UQCRC2: variants seen among roughly 807,000 people sequenced by gnomAD.
UQCRC2 encodes the protein ubiquinol-cytochrome c reductase core protein 2, also known as cytochrome b-c1 complex subunit 2, mitochondrial.
Under a neutral mutation model 55.6 loss-of-function variants are expected in UQCRC2, and 49 were observed. The ratio of observed to expected loss-of-function variants is 0.88; its 90% CI spans 0.70 to 1.12. UQCRC2 has a LOEUF of 1.12. Among genes scored for constraint, UQCRC2 ranks in the 50% most tolerant of loss-of-function variants. The pLI is 0.00. For missense variants in UQCRC2, 506 were observed against 547.8 expected (o/e 0.92, Z 0.76); for synonymous variants, 193 against 192.0 (o/e 1.01, Z -0.04).
chr16:21,965,465 A>G lies in UQCRC2; in HGVS notation c.572A>G (p.Tyr191Cys). The change falls in exon 7 of 14, where the codon TAT becomes TGT. Residue 191 changes from tyrosine (Y) to cysteine (C), a missense_variant. Tyr to Cys is a radical substitution (Grantham distance 194). Coordinates refer to ENST00000268379, the MANE Select transcript of UQCRC2 (RefSeq NM_003366.4). Reference protein sequence around the residue: ...AYRNALANPLYCPDYRIGKVT... With the variant: ...AYRNALANPLCCPDYRIGKVT... ...CGGAATGCCTTGGCTAATCCCTTGT[A>G]TTGTCCTGACTATAGGATTGGAAAA... is the stretch of plus-strand genomic sequence containing the variant. 1 of 1,613,800 alleles carries G rather than the reference A, an allele frequency of 6.2e-7. No individual in the cohort carries two copies. The highest frequency in any genetic ancestry group is 8.5e-7 in the Non-Finnish European group (1 of 1,179,892).
At chr16:21,968,586 T>C in intron 7 of UQCRC2, 42 bp from the exon 8 acceptor site, 16 of 1,524,954 alleles carry the variant, frequency 1.0e-5, no homozygotes, top group Non-Finnish European at 1.4e-5. Context: ...GCTTTTTATA[T>C]TTATGCTAAT....
At chr16:21,980,030 T>C (rs946147116) in intron 12 of UQCRC2, among the ~76,000 whole-genome samples, 1 of 152,134 alleles carries the variant, frequency 6.6e-6, no homozygotes, top group East Asian at 1.9e-4. Context: ...TGAGCACATA[T>C]GAGATAACCT....
intron 12 of UQCRC2, 144 bp downstream of exon 12, chr16:21,976,387 C>A: frequency 1.5e-6 from 1 of 678,470 alleles, no homozygotes; most frequent in Non-Finnish European, 2.4e-6. Context: ...CATATCCTAC[C>A]ACCTAAAGAT....
At chr16:21,961,670 T>TA (rs1567470647) in intron 4 of UQCRC2, among the ~76,000 whole-genome samples, 9 of 48,736 alleles carry the variant, frequency 1.8e-4, no homozygotes, top group Non-Finnish European at 5.8e-4. Flanking sequence ...ATATATATAT[T>TA]TTAGACAGTC....
At chr16:21,963,099 C>T in intron 6 of UQCRC2, 2 of 410,696 alleles carry the variant, frequency 4.9e-6, no homozygotes, top group Admixed American at 3.9e-5. Context: ...AGCAATTCTC[C>T]TGCCTCAGCC....
intron 8 of UQCRC2, among the ~76,000 whole-genome samples, chr16:21,969,470 T>C (rs931953005): frequency 6.6e-6 from 1 of 152,162 alleles, no homozygotes; most frequent in Non-Finnish European, 1.5e-5. Context: ...AGGCAGTGAT[T>C]GCAGTGAGCT....
chr16:21,967,858 G>T (rs1479962506), intron 7 of UQCRC2, among the ~76,000 whole-genome samples: 1 of 152,124 alleles, frequency 6.6e-6, no homozygotes, highest in African/African-American at 2.4e-5. Context: ...TGTTAGCCCT[G>T]TTATAGAATG....
chr16:21,966,812 C>G (rs1786478851), intron 7 of UQCRC2, among the ~76,000 whole-genome samples: 1 of 152,142 alleles, frequency 6.6e-6, no homozygotes, highest in African/African-American at 2.4e-5. Context: ...AAAAGTTTAT[C>G]TACAAGGATG....
chr16:21,974,486 A>T (rs1321314110), intron 11 of UQCRC2, among the ~76,000 whole-genome samples: 1 of 152,210 alleles, frequency 6.6e-6, no homozygotes, highest in Non-Finnish European at 1.5e-5. Context: ...CACCATTTTG[A>T]CCCACAGTGA....
intron 10 of UQCRC2, 69 bp downstream of exon 10, chr16:21,972,191 A>G (rs1181546429): frequency 2.0e-6 from 3 of 1,504,074 alleles, no homozygotes; most frequent in East Asian, 2.5e-5. Context: ...TAATTCTGAT[A>G]ATCTACTCTT....
At chr16:21,962,953 GA>G (rs889470724) in intron 6 of UQCRC2, 68 bp downstream of exon 6, 102 of 1,510,490 alleles carry the variant, frequency 6.8e-5, no homozygotes, top group Admixed American at 1.1e-4. Context: ...ATTTATAGAA[GA>G]AAAAAAATTG....
rs1898472788 is a variant in UQCRC2, at chr16:21,971,946, G to C, written c.790G>C (p.Asp264His). The change falls in exon 10 of 14, where the codon GAC becomes CAC. Residue 264 changes from aspartate (D) to histidine (H), a missense_variant. Asp to His is a moderately conservative substitution (Grantham distance 81). Transcript: ENST00000268379. ...AGGTGAAATCCGAGAACAGAATGGA[G>C]ACAGTCTTGTCCATGCTGCTTTTGT... ...RGGEIREQNG[D>H]SLVHAAFVAE... 2 of 1,613,996 alleles carry C rather than the reference G, an allele frequency of 1.2e-6. No homozygotes were observed. The highest frequency in any genetic ancestry group is 2.7e-5 in the African/African-American group (2 of 74,928).
intron 4 of UQCRC2, among the ~76,000 whole-genome samples, chr16:21,960,666 G>T (rs1208190732): frequency 6.6e-6 from 1 of 152,108 alleles, no homozygotes; most frequent in African/African-American, 2.4e-5. Context: ...AGAGACATGA[G>T]ACTCTTCCTT....
At position 21,953,583 on chromosome 16, in the gene UQCRC2, G is replaced by C. The variant is rs930744677; in HGVS notation, c.33+127G>C. ...GGTCTGCCCTTCAGCTGAACCCTGC[G>C]GGCCAAGTGGGCTGCAGACTGGGTC... is the stretch of plus-strand genomic sequence containing the variant. On this transcript the variant is annotated intron_variant, in intron 1 of 13. Transcript: ENST00000268379. The C allele has an allele frequency of 3.4e-6, 4 of 1,190,748 alleles. No homozygotes were observed. The African/African-American group carries it at 4.6e-5, about 14-fold the overall frequency. The allele number at this position is 1,190,748 out of a possible 1,614,324, so 73.8% of individuals were successfully genotyped here. A position where few individuals can be genotyped will look rare whatever the true frequency, so the allele number is the denominator to read the frequency against.
intron 1 of UQCRC2, among the ~76,000 whole-genome samples, chr16:21,954,438 T>C (rs1379521303): frequency 6.6e-6 from 1 of 152,138 alleles, no homozygotes; most frequent in African/African-American, 2.4e-5. Context: ...TAGGCTGTAA[T>C]TGCATTAACC....
intron 11 of UQCRC2, among the ~76,000 whole-genome samples, chr16:21,974,374 A>C (rs900316656): frequency 6.6e-5 from 10 of 152,222 alleles, no homozygotes; most frequent in Non-Finnish European, 1.5e-4. Flanking sequence ...TCTGGGAAAC[A>C]ACACCATTTA....
intron 12 of UQCRC2, among the ~76,000 whole-genome samples, chr16:21,979,197 G>T (rs1898656279): frequency 1.3e-5 from 2 of 152,160 alleles, no homozygotes; most frequent in Admixed American, 6.5e-5. Flanking sequence ...CTGACACCCT[G>T]GTTTGACAGA....
intron 6 of UQCRC2, chr16:21,963,189 C>T: frequency 1.0e-5 from 2 of 200,198 alleles, no homozygotes; most frequent in Non-Finnish European, 2.1e-5. Context: ...AGGGTTTTGC[C>T]ATGTTGGTCA....
intron 4 of UQCRC2, 84 bp downstream of exon 4, chr16:21,958,683 T>C (rs1035519926): frequency 3.3e-6 from 4 of 1,217,228 alleles, no homozygotes; most frequent in Admixed American, 2.1e-5. Context: ...ATCAAGGAGG[T>C]TGAGGATTTC....
Sources: gnomAD v4.1 joint callset for allele counts (sites outside exome capture counted in the v4.1 genomes callset) on GRCh38, gnomAD v4.1.1 for gene constraint, MANE v1.5 for transcripts, NCBI Gene and HGNC (gene_info 2026-07-23, HGNC 2026-07-21) for gene names.